Variants in ZNF471 observed in about 807,000 individuals in gnomAD.
The protein encoded by ZNF471 is zinc finger protein 471.
ZNF471 carries 7 observed loss-of-function variants against 13.7 expected under a neutral mutation model. That is an observed-to-expected ratio of 0.51 (90% CI 0.29 to 0.96). ZNF471 has a LOEUF of 0.96. Among genes scored for constraint, ZNF471 ranks in the 40% least tolerant of loss-of-function variants. ZNF471 has a pLI of 0.08. For synonymous variants in ZNF471, 218 were observed against 235.6 expected (o/e 0.93, Z 0.68); for missense variants, 663 against 743.3 (o/e 0.89, Z 1.26).
intron 4 of ZNF471, 96 bp downstream of exon 4, chr19:56,518,673 C>G: frequency 1.0e-6 from 1 of 986,090 alleles, no homozygotes; most frequent in Non-Finnish European, 1.5e-6. Context: ...CTCAGAAACT[C>G]TTCATAAGCC....
chr19:56,516,083 G>A lies in ZNF471; in HGVS notation c.34-192G>A, dbSNP rs2043883923. ...TATGCACCCATATTTCCCTATGTTC[G>A]GAATCGATTGGCCCCATTGTACCCA... On this transcript the variant is annotated intron_variant, in intron 2 of 4. Transcript: ENST00000308031. The surrounding 1 kb of genome is among the most constrained non-coding windows in gnomAD (Gnocchi z 4.4). 1.3e-5 allele frequency among the ~76,000 whole-genome samples: 2 copies of A among 152,086 alleles called. No homozygotes were observed. Among genetic ancestry groups the A allele is most frequent in the South Asian group, 2.1e-4 (1 of 4,822 alleles).
chr19:56,509,456 T>C (rs570092985), intron 1 of ZNF471, among the ~76,000 whole-genome samples: 100 of 152,308 alleles, frequency 6.6e-4, no homozygotes, highest in African/African-American at 2.4e-3. Context: ...AGCAAATTAA[T>C]TGAACGCAAG....
At chr19:56,521,587 C>T (rs900635494) in intron 4 of ZNF471, among the ~76,000 whole-genome samples, 6 of 139,336 alleles carry the variant, frequency 4.3e-5, no homozygotes, top group East Asian at 2.2e-4. Flanking sequence ...TGCAGTGAGC[C>T]GAGATTGCGC....
Position 56,510,123 on chromosome 19 carries a change from A to G in ZNF471, c.-55-1394A>G, listed in dbSNP as rs930599464. 1.1e-5 allele frequency: 11 copies of G among 985,402 alleles called. No individual in the cohort carries two copies. Among genetic ancestry groups the G allele is most frequent in the Non-Finnish European group, 1.3e-5 (11 of 830,024 alleles). 61.0% of individuals were successfully genotyped at this position (985,402 alleles called of 1,614,324 possible). A position where few individuals can be genotyped will look rare whatever the true frequency, so the allele number is the denominator to read the frequency against. On this transcript the variant is annotated intron_variant, in intron 1 of 4. Transcript: ENST00000308031. This position sits in a 1 kb window ranked among gnomAD's most constrained non-coding sequence, Gnocchi z 4.3. The stretch of plus-strand genomic sequence containing the variant: ...GGACTGGTAGGTTGTGAGAGGGTGT[A>G]TCACAGTATGAAAAAGATTGGAGTG...
rs1169136047 is a variant in ZNF471, at chr19:56,507,925, G to C, written c.-56+5G>C. 2.0e-6 allele frequency: 2 copies of C among 985,586 alleles called. No homozygotes were observed. Among genetic ancestry groups the C allele is most frequent in the South Asian group, 4.7e-5 (1 of 21,328 alleles). 61.1% of individuals were successfully genotyped at this position (985,586 alleles called of 1,614,324 possible). A position where few individuals can be genotyped will look rare whatever the true frequency, so the allele number is the denominator to read the frequency against. On this transcript the variant is annotated splice_donor_5th_base_variant and intron_variant, in intron 1 of 4. Coordinates refer to ENST00000308031, the MANE Select transcript of ZNF471 (RefSeq NM_020813.4). ...GGGTGCCAGACGAGGCCGGGGGTTT[G>C]TTTTGGGTGGTTTGGGAGTCCGAGC...
intron 2 of ZNF471, among the ~76,000 whole-genome samples, chr19:56,514,059 A>ATTTTTTT (rs57705988): frequency 4.3e-5 from 5 of 116,688 alleles, no homozygotes; most frequent in African/African-American, 6.6e-5. Context: ...TAACTTTTTA[A>ATTTTTTT]TTTTTTTTTT....
chr19:56,524,317 C>G lies in ZNF471; in HGVS notation c.257-7C>G. 6.7e-7 allele frequency: 1 copy of G among 1,498,166 alleles called. No individual in the cohort carries two copies. The highest frequency in any genetic ancestry group is 1.4e-5 in the South Asian group (1 of 71,242). 92.8% of individuals were successfully genotyped at this position (1,498,166 alleles called of 1,614,324 possible). A position where few individuals can be genotyped will look rare whatever the true frequency, so the allele number is the denominator to read the frequency against. The stretch of plus-strand genomic sequence containing the variant: ...GGGAACATTCACTTTTTTTTAATAT[C>G]TTTCAGATTGGGAATCTATATATGT... On this transcript the variant is annotated splice_region_variant and splice_polypyrimidine_tract_variant and intron_variant, in intron 4 of 4. Coordinates refer to ENST00000308031, the MANE Select transcript of ZNF471 (RefSeq NM_020813.4). The surrounding 1 kb of genome is among the most constrained non-coding windows in gnomAD (Gnocchi z 4.8).
chr19:56,510,504 A>C lies in ZNF471; in HGVS notation c.-55-1013A>C, dbSNP rs2043795360. On this transcript the variant is annotated intron_variant, in intron 1 of 4. Coordinates refer to ENST00000308031, the MANE Select transcript of ZNF471 (RefSeq NM_020813.4). This position sits in a 1 kb window ranked among gnomAD's most constrained non-coding sequence, Gnocchi z 4.3. ...GTGAGCTGTGTGTGTGAGAGAAGTA[A>C]GATTGGGGGTATGTGTGAAGGTGTT... 1 of 985,652 alleles carries C rather than the reference A, an allele frequency of 1.0e-6. No homozygotes were observed. The allele number at this position is 985,652 out of a possible 1,614,324, so 61.1% of individuals were successfully genotyped here. A position where few individuals can be genotyped will look rare whatever the true frequency, so the allele number is the denominator to read the frequency against.
intron 2 of ZNF471, among the ~76,000 whole-genome samples, chr19:56,512,639 C>G (rs572642669): frequency 4.6e-5 from 7 of 152,068 alleles, no homozygotes; most frequent in African/African-American, 1.4e-4. Context: ...GTATTTGGTT[C>G]TGTTGCTGTA....
Position 56,526,375 on chromosome 19 carries a change from C to G in ZNF471, c.*427C>G, listed in dbSNP as rs2044047984. On this transcript the variant is annotated 3_prime_UTR_variant, in exon 5 of 5. Transcript: ENST00000308031. ...TCCCATGGTCTTCGCAACCCACAGA[C>G]CAGGAGATCCCCCTTGGGTGCCTAT... The G allele has an allele frequency of 7.8e-6, 1 of 128,140 alleles. No homozygotes were observed. Among genetic ancestry groups the G allele is most frequent in the Non-Finnish European group, 1.8e-5 (1 of 57,062 alleles). The allele number at this position is 128,140 out of a possible 1,614,324, so 7.9% of individuals were successfully genotyped here.
chr19:56,513,537 G>A (rs1424463718), intron 2 of ZNF471, among the ~76,000 whole-genome samples: 1 of 151,964 alleles, frequency 6.6e-6, no homozygotes, highest in Non-Finnish European at 1.5e-5. Flanking sequence ...AGCCCATAAT[G>A]GAATTCTTAA....
At chr19:56,517,275 G>A (rs957118051) in intron 3 of ZNF471, among the ~76,000 whole-genome samples, 1 of 146,914 alleles carries the variant, frequency 6.8e-6, no homozygotes, top group African/African-American at 2.5e-5. Flanking sequence ...TGGATTACAG[G>A]CACCCACCAC....
At chr19:56,515,580 C>T (rs184398068) in intron 2 of ZNF471, among the ~76,000 whole-genome samples, 42 of 152,256 alleles carry the variant, frequency 2.8e-4, no homozygotes, top group African/African-American at 8.4e-4. Flanking sequence ...AAAATGTGCT[C>T]ATAACCTTGT....
rs1309405434 is a variant in ZNF471, at chr19:56,508,408, G to A, written c.-56+488G>A. Among the ~76,000 whole-genome samples the A allele has an allele frequency of 6.6e-6, 1 of 151,650 alleles. No individual in the cohort carries two copies. The highest frequency in any genetic ancestry group is 1.5e-5 in the Non-Finnish European group (1 of 67,882). On this transcript the variant is annotated intron_variant, in intron 1 of 4. Transcript: ENST00000308031. The surrounding 1 kb of genome is among the most constrained non-coding windows in gnomAD (Gnocchi z 4.7). ...TCAGTGAGAGGTTGCGAGGTGTGTGGGTGTGTAAGTGTGTAACAGACCAGG... is the reference window on the plus strand; with the variant it reads ...TCAGTGAGAGGTTGCGAGGTGTGTGAGTGTGTAAGTGTGTAACAGACCAGG...
Position 56,511,000 on chromosome 19 carries a change from G to T in ZNF471, c.-55-517G>T. ...TGAGGAAAGTGAAACAGTGCCGGGG[G>T]GTGGGTCAGGGATGCAGTGGTGGGG... On this transcript the variant is annotated intron_variant, in intron 1 of 4. Transcript: ENST00000308031. This position sits in a 1 kb window ranked among gnomAD's most constrained non-coding sequence, Gnocchi z 4.3. The T allele has an allele frequency of 3.0e-6, 3 of 985,582 alleles. No homozygotes were observed. The highest frequency in any genetic ancestry group is 1.7e-5 in the African/African-American group (1 of 57,148). The allele number at this position is 985,582 out of a possible 1,614,324, so 61.1% of individuals were successfully genotyped here.
At chr19:56,514,152 C>T (rs2043848574) in intron 2 of ZNF471, among the ~76,000 whole-genome samples, 2 of 148,384 alleles carry the variant, frequency 1.3e-5, no homozygotes, top group Admixed American at 1.4e-4. Context: ...TAACCTGCCT[C>T]TCCAGTTCAA....
chr19:56,514,040 T>C (rs2043844997), intron 2 of ZNF471, among the ~76,000 whole-genome samples: 1 of 150,966 alleles, frequency 6.6e-6, no homozygotes, highest in Non-Finnish European at 1.5e-5. Flanking sequence ...AGATTTTCTT[T>C]CATTGTTTTA....
chr19:56,515,261 A>G (rs1320188735), intron 2 of ZNF471, among the ~76,000 whole-genome samples: 1 of 152,192 alleles, frequency 6.6e-6, no homozygotes, highest in East Asian at 1.9e-4. Flanking sequence ...TATCCTAAAT[A>G]TTGGAAAGAA....
Position 56,525,060 on chromosome 19 carries a change from G to A in ZNF471, c.993G>A (p.Ser331=), listed in dbSNP as rs780297487. The part of the protein sequence containing the change: ...KECGKAFSDG[S]SFARHQRCHT... ...GTGGCAAAGCCTTCAGTGATGGCTC[G>A]TCTTTTGCTCGACATCAGAGATGTC... Residue 331 remains serine (S), a synonymous_variant, in exon 5 of 5, where the codon TCG becomes TCA. Transcript: ENST00000308031. 66 of 1,600,924 alleles carry A rather than the reference G, an allele frequency of 4.1e-5. No individual in the cohort carries two copies. Among genetic ancestry groups the A allele is most frequent in the African/African-American group, 2.3e-4 (17 of 74,514 alleles).
Sources: allele counts gnomAD v4.1 joint callset (sites outside exome capture counted in the v4.1 genomes callset), GRCh38; gene constraint gnomAD v4.1.1; non-coding constraint Gnocchi (gnomAD v3.1); transcripts MANE v1.5; gene names NCBI Gene and HGNC (gene_info 2026-07-23, HGNC 2026-07-21).